The following NEO1 variants were observed in gnomAD, a reference collection of about 807,000 sequenced individuals.
The protein encoded by NEO1 is neogenin 1, also known as neogenin.
A neutral mutation model predicts 159.7 loss-of-function variants in NEO1; 63 were observed. That is an observed-to-expected ratio of 0.39 (90% confidence interval 0.32 to 0.49). The LOEUF (loss-of-function observed/expected upper bound fraction) is 0.49. Ranked by LOEUF, NEO1 falls within the 20% of genes least tolerant of loss-of-function variation. NEO1 has a pLI of 0.85. For synonymous variants in NEO1, 633 were observed against 662.0 expected (o/e 0.96, Z 0.67); for missense variants, 1,615 against 1,831.0 (o/e 0.88, Z 2.15).
chr15:73,093,811 T>A (rs948723191), intron 1 of NEO1, among the ~76,000 whole-genome samples: 9 of 152,130 alleles, frequency 5.9e-5, no homozygotes, highest in Admixed American at 1.3e-4. Flanking sequence ...ACTCCTAAGC[T>A]CAAGCAATCC....
chr15:73,106,016 G>T (rs891932980), intron 1 of NEO1, among the ~76,000 whole-genome samples: 3 of 152,010 alleles, frequency 2.0e-5, no homozygotes, highest in Non-Finnish European at 4.4e-5. Context: ...AGTTATTACT[G>T]AACTTTTAAT....
rs2068082021 is a variant in NEO1, at chr15:73,063,773, G to T, written c.130+10968G>T. On this transcript the variant is annotated intron_variant, in intron 1 of 28. Transcript: ENST00000261908. ...ATTTTTATTCTGGAATTAATAATTT[G>T]TCATATAGCAGAGGGGTGATGATGA... 3.3e-5 allele frequency among the ~76,000 whole-genome samples: 5 copies of T among 152,248 alleles called. No individual in the cohort carries two copies. The South Asian group carries it at 8.3e-4, about 25-fold the overall frequency.
intron 1 of NEO1, among the ~76,000 whole-genome samples, chr15:73,066,795 C>A (rs372405571): frequency 1.3e-5 from 2 of 152,192 alleles, no homozygotes; most frequent in Non-Finnish European, 2.9e-5. Context: ...TTGGGTCTGT[C>A]GAAAGCTATG....
rs116285037 is a variant in NEO1 at position 73,280,445 on chromosome 15, A to G, written c.3262+2246A>G. ...TTCGCAAGAGGTCAGATGCGAGTAAATGAGAATTTGTCAGTGAAATGCAGG... is the reference window on the plus strand; with the variant it reads ...TTCGCAAGAGGTCAGATGCGAGTAAGTGAGAATTTGTCAGTGAAATGCAGG... On this transcript the variant is annotated intron_variant, in intron 22 of 28. Transcript: ENST00000261908. Among the ~76,000 whole-genome samples, 85 of 152,286 alleles carry G rather than the reference A, an allele frequency of 5.6e-4. 1 individual carries two copies. Among genetic ancestry groups the G allele is most frequent in the African/African-American group, 1.9e-3 (81 of 41,540 alleles).
chr15:73,215,368 G>T (rs2037817244), intron 7 of NEO1, among the ~76,000 whole-genome samples: 1 of 152,086 alleles, frequency 6.6e-6, no homozygotes. Flanking sequence ...ATTTTCAGAG[G>T]GAATGCTTTC....
At chr15:73,100,338 C>CTT (rs1165859838) in intron 1 of NEO1, among the ~76,000 whole-genome samples, 4 of 143,266 alleles carry the variant, frequency 2.8e-5, no homozygotes, top group African/African-American at 1.0e-4. Context: ...ATTTTGATAT[C>CTT]TTTTTTTTTT....
intron 4 of NEO1, among the ~76,000 whole-genome samples, chr15:73,131,155 C>T (rs1410049570): frequency 6.6e-6 from 1 of 152,144 alleles, no homozygotes; most frequent in Non-Finnish European, 1.5e-5. Context: ...AACATAGTAC[C>T]TAAAATATCC....
At chr15:73,211,523 TG>T (rs1017030141) in intron 7 of NEO1, among the ~76,000 whole-genome samples, 2 of 152,200 alleles carry the variant, frequency 1.3e-5, no homozygotes, top group Non-Finnish European at 2.9e-5. Flanking sequence ...AAGACCATCC[TG>T]GCCAACATGG....
At chr15:73,297,483 T>C (rs1567726763) in intron 26 of NEO1, among the ~76,000 whole-genome samples, 1 of 152,150 alleles carries the variant, frequency 6.6e-6, no homozygotes, top group Non-Finnish European at 1.5e-5. Flanking sequence ...CTCAAAGAAT[T>C]ATGTGTTATT....
At chr15:73,163,472 T>C (rs1368994886) in intron 5 of NEO1, among the ~76,000 whole-genome samples, 1 of 152,146 alleles carries the variant, frequency 6.6e-6, no homozygotes, top group Non-Finnish European at 1.5e-5. Context: ...CATGTACATC[T>C]ACAAATAAAT....
chr15:73,126,359 C>A, intron 3 of NEO1, 58 bp from the exon 4 acceptor site: 2 of 1,473,668 alleles, frequency 1.4e-6, no homozygotes, highest in Admixed American at 2.0e-5. Flanking sequence ...TGTGAGCCAC[C>A]ATGTCCAGCC....
intron 7 of NEO1, among the ~76,000 whole-genome samples, chr15:73,221,453 G>A (rs1247005714): frequency 6.6e-6 from 1 of 152,186 alleles, no homozygotes; most frequent in East Asian, 1.9e-4. Context: ...ACTGCTCTCT[G>A]CAAAGCTGTC....
At chr15:73,293,333 T>A in intron 25 of NEO1, 57 bp from the exon 26 acceptor site, 5 of 1,597,208 alleles carry the variant, frequency 3.1e-6, no homozygotes, top group African/African-American at 1.3e-5. Flanking sequence ...TAAACTGTGA[T>A]TTGTGTGTGT....
chr15:73,083,721 G>A (rs1214608165), intron 1 of NEO1, among the ~76,000 whole-genome samples: 8 of 152,048 alleles, frequency 5.3e-5, no homozygotes, highest in African/African-American at 1.9e-4. Flanking sequence ...TATTTTCTTC[G>A]TTATTCTGCC....
chr15:73,069,365 T>C lies in NEO1; in HGVS notation c.130+16560T>C, dbSNP rs532014361. Reference sequence around the variant, plus strand: ...ACAGATGTCAGCACGTTCTTTGATCTTATATACCTGTTATTGAGGCAGAGA... The same window carrying C: ...ACAGATGTCAGCACGTTCTTTGATCCTATATACCTGTTATTGAGGCAGAGA... On this transcript the variant is annotated intron_variant, in intron 1 of 28. Coordinates refer to ENST00000261908, the MANE Select transcript of NEO1 (RefSeq NM_002499.4). 1.2e-3 allele frequency among the ~76,000 whole-genome samples: 181 copies of C among 152,100 alleles called. 1 individual carries two copies. The highest frequency in any genetic ancestry group is 4.3e-3 in the African/African-American group (177 of 41,514).
At chr15:73,070,534 A>G (rs756068853) in intron 1 of NEO1, among the ~76,000 whole-genome samples, 22 of 152,230 alleles carry the variant, frequency 1.4e-4, no homozygotes, top group Admixed American at 7.9e-4. Context: ...AGAAGAAAAT[A>G]GAAAAGAGGT....
chr15:73,190,298 C>G (rs1348558121), intron 7 of NEO1, among the ~76,000 whole-genome samples: 2 of 152,130 alleles, frequency 1.3e-5, no homozygotes, highest in African/African-American at 4.8e-5. Context: ...AATACACTTT[C>G]TTTTTCTGTC....
At chr15:73,194,554 A>T (rs1027786863) in intron 7 of NEO1, among the ~76,000 whole-genome samples, 2 of 152,124 alleles carry the variant, frequency 1.3e-5, no homozygotes, top group African/African-American at 4.8e-5. Context: ...CCAGTTCTCA[A>T]GGAAACTAAC....
chr15:73,216,568 C>G (rs900274016), intron 7 of NEO1, among the ~76,000 whole-genome samples: 3 of 152,136 alleles, frequency 2.0e-5, no homozygotes, highest in Non-Finnish European at 4.4e-5. Flanking sequence ...AAGTCTTCCC[C>G]TTTCTCCACA....
Sources: allele counts gnomAD v4.1 joint callset (sites outside exome capture counted in the v4.1 genomes callset), GRCh38; gene constraint gnomAD v4.1.1; transcripts MANE v1.5; gene names NCBI Gene and HGNC (gene_info 2026-07-23, HGNC 2026-07-21).